SEMA4D: variants seen among roughly 807,000 people sequenced by gnomAD.
SEMA4D encodes semaphorin 4D, also known as semaphorin-4D.
In SEMA4D, 22 loss-of-function variants were observed where a neutral mutation model predicts 74.8. The observed-to-expected ratio is 0.29, with a 90% CI of 0.21 to 0.42. SEMA4D has a LOEUF of 0.42. SEMA4D is among the 10% of genes least tolerant of loss of function. The pLI, the probability that SEMA4D is intolerant of heterozygous loss-of-function variation, is 1.00. For synonymous variants in SEMA4D, 445 were observed against 463.7 expected, an observed-to-expected ratio of 0.96 and a Z score of 0.52; for missense variants, 937 against 1,118.4, an observed-to-expected ratio of 0.84 and a Z score of 2.31.
chr9:89,393,282 C>G (rs1261960708), intron 7 of SEMA4D, among the ~76,000 whole-genome samples: 1 of 152,230 alleles, frequency 6.6e-6, no homozygotes, highest in Non-Finnish European at 1.5e-5. Context: ...CAAAACCTTA[C>G]TCTCAAACAG....
intron 6 of SEMA4D, among the ~76,000 whole-genome samples, chr9:89,394,186 A>T (rs996312234): frequency 6.6e-6 from 1 of 152,200 alleles, no homozygotes; most frequent in African/African-American, 2.4e-5. Flanking sequence ...CACTGTACTA[A>T]AACAGAGCAG....
At chr9:89,449,824 T>A in intron 2 of SEMA4D, 2 of 1,502,154 alleles carry the variant, frequency 1.3e-6, no homozygotes, top group South Asian at 2.3e-5. Flanking sequence ...GTATGTCACT[T>A]CTCCCCTTTG....
At chr9:89,442,152 G>T (rs879739920) in intron 2 of SEMA4D, among the ~76,000 whole-genome samples, 11,084 of 152,068 alleles carry the variant, frequency 0.073, 610 homozygotes, top group East Asian at 0.29. Flanking sequence ...CCTGGCCCAG[G>T]ACACATCTTC....
chr9:89,469,328 AG>A (rs201520495), intron 1 of SEMA4D, among the ~76,000 whole-genome samples: 26,097 of 152,338 alleles, frequency 0.17, 7 homozygotes, highest in East Asian at 0.27. Context: ...GCTCAGAGAT[AG>A]GTTCCTTACA....
At position 89,385,854 on chromosome 9, in the gene SEMA4D, G is replaced by C. The variant is rs1045784606; in HGVS notation, c.1446+513C>G. On this transcript the variant is annotated intron_variant, in intron 13 of 15. Coordinates refer to ENST00000422704, the MANE Select transcript of SEMA4D (RefSeq NM_001371194.2). ...GGGCCAGGGAGGCAGCCCCCTAAAG[G>C]CCAGCGTGGATGCCCGCCCACCCAC... 2.6e-5 allele frequency: 14 copies of C among 542,526 alleles called. No homozygotes were observed. The Admixed American group carries it at 8.9e-4, about 34-fold the overall frequency. The allele number at this position is 542,526 out of a possible 1,614,324, so 33.6% of individuals were successfully genotyped here. A position where few individuals can be genotyped will look rare whatever the true frequency, so the allele number is the denominator to read the frequency against.
At chr9:89,387,654 C>G (rs184619660) in intron 11 of SEMA4D, 46 bp from the exon 12 acceptor site, 1 of 1,569,886 alleles carries the variant, frequency 6.4e-7, no homozygotes, top group African/African-American at 1.4e-5. Context: ...TGTCCCACCA[C>G]GCAACGGGTG....
At chr9:89,496,599 G>A (rs757349891) in intron 1 of SEMA4D, among the ~76,000 whole-genome samples, 4 of 152,112 alleles carry the variant, frequency 2.6e-5, no homozygotes, top group East Asian at 1.9e-4. Flanking sequence ...TGCTGAGCCC[G>A]CCTGCTTTCT....
Position 89,396,750 on chromosome 9 carries a change from G to A in SEMA4D, c.401C>T (p.Ala134Val), listed in dbSNP as rs1232009013. ...YVCGTNAFQP[A>V]CDHLNLTSFK... is the part of the protein sequence containing the mutation. ...CATCAGCCTTACCAGGTGGTCACAG[G>A]CCGGCTGGAATGCGTTGGTCCCACA... The change falls in exon 6 of 16, where the codon GCC (alanine) becomes GTC (valine). Residue 134 changes from alanine to valine, a missense_variant. Transcript: ENST00000422704. 6.2e-7 allele frequency: 1 copy of A among 1,613,536 alleles called. No homozygotes were observed.
intron 1 of SEMA4D, among the ~76,000 whole-genome samples, chr9:89,486,542 C>A (rs765862075): frequency 1.3e-5 from 2 of 152,134 alleles, no homozygotes; most frequent in Non-Finnish European, 2.9e-5. Context: ...CTGACTCAAA[C>A]AGAAACAGAA....
intron 1 of SEMA4D, among the ~76,000 whole-genome samples, chr9:89,462,804 T>C (rs1857565057): frequency 1.3e-5 from 2 of 149,962 alleles, no homozygotes; most frequent in Admixed American, 6.7e-5. Flanking sequence ...ATTAGCTGGG[T>C]GTGGTGACAT....
chr9:89,401,900 A>G lies in SEMA4D; in HGVS notation c.252+971T>C, dbSNP rs1446411138. 2.0e-5 allele frequency among the ~76,000 whole-genome samples: 3 copies of G among 152,214 alleles called. No homozygotes were observed. In the East Asian group the frequency reaches 5.8e-4, roughly 29 times the overall value. The stretch of plus-strand genomic sequence containing the variant: ...ACATTGCGTTTTGCAATCTTTGATG[A>G]GAAGAGCATCTAGACTTCGCTGGTC... On this transcript the variant is annotated intron_variant, in intron 4 of 15. Coordinates refer to ENST00000422704, the MANE Select transcript of SEMA4D (RefSeq NM_001371194.2).
At chr9:89,426,115 G>A (rs978095929) in intron 2 of SEMA4D, among the ~76,000 whole-genome samples, 1 of 152,152 alleles carries the variant, frequency 6.6e-6, no homozygotes, top group Non-Finnish European at 1.5e-5. Flanking sequence ...GTTTCTCCAG[G>A]GGACTGGACC....
intron 1 of SEMA4D, among the ~76,000 whole-genome samples, chr9:89,494,672 T>C (rs1825872766): frequency 6.6e-6 from 1 of 152,106 alleles, no homozygotes; most frequent in Non-Finnish European, 1.5e-5. Context: ...CTTTTCATGA[T>C]GGAGAATTTT....
chr9:89,494,806 C>G (rs993584291), intron 1 of SEMA4D, among the ~76,000 whole-genome samples: 11 of 152,166 alleles, frequency 7.2e-5, no homozygotes, highest in African/African-American at 2.2e-4. Context: ...CCACACTAAT[C>G]TGAGGCAGAT....
chr9:89,439,860 C>T (rs1191931541), intron 2 of SEMA4D, among the ~76,000 whole-genome samples: 2 of 152,150 alleles, frequency 1.3e-5, no homozygotes, highest in South Asian at 2.1e-4. Context: ...GAATGGAAAC[C>T]GGCCGACCCA....
intron 1 of SEMA4D, among the ~76,000 whole-genome samples, chr9:89,469,554 T>C (rs1052901702): frequency 4.5e-4 from 68 of 152,248 alleles, no homozygotes; most frequent in African/African-American, 1.5e-3. Flanking sequence ...TCCAGTAATA[T>C]GTAAAAATAA....
chr9:89,391,533 G>A, intron 8 of SEMA4D, 118 bp from the exon 9 acceptor site: 3 of 936,956 alleles, frequency 3.2e-6, no homozygotes, highest in Non-Finnish European at 5.0e-6. Flanking sequence ...CTGCAAGGAT[G>A]TCTGGAGTGT....
intron 2 of SEMA4D, chr9:89,450,157 C>A (rs1853996696): frequency 3.1e-6 from 4 of 1,282,432 alleles, no homozygotes; most frequent in South Asian, 2.4e-5. Context: ...GGAGAAAAAA[C>A]CATTACCCAG....
In SEMA4D at chr9:89,363,381, C is replaced by T. The variant is rs573820213; in HGVS notation, c.2190+49G>A. The T allele has an allele frequency of 1.9e-6, 3 of 1,599,112 alleles. No homozygotes were observed. In the South Asian group the frequency reaches 3.3e-5, roughly 18 times the overall value. ...AGATCCACTGGATGTGGCAGGTGCCCTGCCCCTGGCTCCAGCCCTCCTTTC... is the reference window on the plus strand; with the variant it reads ...AGATCCACTGGATGTGGCAGGTGCCTTGCCCCTGGCTCCAGCCCTCCTTTC... On this transcript the variant is annotated intron_variant, in intron 18 of 18. Transcript: ENST00000339861.
Sources: allele counts gnomAD v4.1 joint callset (sites outside exome capture counted in the v4.1 genomes callset), GRCh38; gene constraint gnomAD v4.1.1; transcripts MANE v1.5; gene names NCBI Gene and HGNC (gene_info 2026-07-23, HGNC 2026-07-21).